Variants in UQCRC2 observed in about 807,000 individuals in gnomAD.
UQCRC2 encodes cytochrome b-c1 complex subunit 2, mitochondrial.
Under a neutral mutation model 55.6 loss-of-function variants are expected in UQCRC2, and 49 were observed. The ratio of observed to expected loss-of-function variants is 0.88; its 90% CI spans 0.70 to 1.12. UQCRC2 has a LOEUF of 1.12. UQCRC2 is among the 50% of genes most tolerant of loss of function. The pLI is 0.00. For missense variants in UQCRC2, 506 were observed against 547.8 expected, an observed-to-expected ratio of 0.92 and a Z score of 0.76; for synonymous variants, 193 against 192.0, an observed-to-expected ratio of 1.01 and a Z score of -0.04.
At position 21,983,429 on chromosome 16, in the gene UQCRC2, G is replaced by A; in HGVS notation, c.*258G>A. 1 of 449,656 alleles carries A rather than the reference G, an allele frequency of 2.2e-6. No homozygotes were observed. Among genetic ancestry groups the A allele is most frequent in the South Asian group, 5.7e-5 (1 of 17,508 alleles). 27.9% of individuals were successfully genotyped at this position (449,656 alleles called of 1,614,324 possible). ...ATATCTTTGTTTTAGATGCTTTAAA[G>A]GAGACAGGAATATAATTATTGAGTA... is the stretch of plus-strand genomic sequence containing the variant. On this transcript the variant is annotated 3_prime_UTR_variant, in exon 14 of 14. Coordinates refer to ENST00000268379, the MANE Select transcript of UQCRC2 (RefSeq NM_003366.4).
In UQCRC2 at chr16:21,973,879, GTC is replaced by G. The variant is rs761567331; in HGVS notation, c.967-14_967-13del. ...ACTTGGTAGAATATCATACAGTAAA[GTC>G]TCATTATCTTTCAGGTTTCTGCATT... On this transcript the variant is annotated splice_polypyrimidine_tract_variant and intron_variant, in intron 10 of 13. Transcript: ENST00000268379. 3.2e-5 allele frequency: 51 copies of G among 1,610,340 alleles called. No homozygotes were observed. The East Asian group carries it at 1.0e-3, about 32-fold the overall frequency.
Position 21,957,188 on chromosome 16 carries a change from C to A in UQCRC2, c.34-47C>A, listed in dbSNP as rs1898099456. ...TAAGATACCATGCTTTTATATAAAG[C>A]ACTGTTCTTGTGAGAAATACGTGTA... On this transcript the variant is annotated intron_variant, in intron 1 of 13. Transcript: ENST00000268379. 1.9e-6 allele frequency: 3 copies of A among 1,585,008 alleles called. No individual in the cohort carries two copies. The East Asian group carries it at 6.8e-5, about 36-fold the overall frequency.
At position 21,962,878 on chromosome 16, in the gene UQCRC2, G is replaced by T. The variant is rs765632490; in HGVS notation, c.507G>T (p.Pro169=). The T allele has an allele frequency of 1.2e-6, 2 of 1,613,608 alleles. No individual in the cohort carries two copies. The highest frequency in any genetic ancestry group is 1.3e-5 in the African/African-American group (1 of 74,858). ...KIDKAVAFQN[P]QTHVIENLHA... ...ACAAAGCTGTGGCCTTTCAGAATCCGCAGACTCGTAAGTACATTTCCAGAT... is the reference window on the plus strand; with the variant it reads ...ACAAAGCTGTGGCCTTTCAGAATCCTCAGACTCGTAAGTACATTTCCAGAT... The change falls in exon 6 of 14, where the codon CCG becomes CCT. Residue 169 remains proline, a synonymous_variant. Coordinates refer to ENST00000268379, the MANE Select transcript of UQCRC2 (RefSeq NM_003366.4).
chr16:21,980,248 G>T, intron 12 of UQCRC2: 1 of 289,156 alleles, frequency 3.5e-6, no homozygotes. Context: ...GCATTAGGGA[G>T]CTCTCCAGCT....
intron 8 of UQCRC2, 147 bp downstream of exon 8, chr16:21,968,832 T>C (rs1898390258): frequency 3.6e-6 from 2 of 549,510 alleles, no homozygotes; most frequent in South Asian, 5.5e-5. Flanking sequence ...AGGATTTTAA[T>C]TGCTAGTCAT....
chr16:21,959,396 T>C (rs1384400218), intron 4 of UQCRC2: 5 of 272,846 alleles, frequency 1.8e-5, no homozygotes, highest in Non-Finnish European at 3.7e-5. Flanking sequence ...CTTTGTTTGC[T>C]CATCCATAAG....
At position 21,981,819 on chromosome 16, in the gene UQCRC2, G is replaced by A. The variant is rs528021843; in HGVS notation, c.1278+1119G>A. 1.5e-4 allele frequency among the ~76,000 whole-genome samples: 22 copies of A among 151,076 alleles called. 1 individual carries two copies. The highest frequency in any genetic ancestry group is 5.1e-4 in the African/African-American group (21 of 41,206). ...AGTAACCCTGACTTGATTTCACTTC[G>A]CCCCAATCGTCATTTCATACTCTTC... On this transcript the variant is annotated intron_variant, in intron 13 of 13. Coordinates refer to ENST00000268379, the MANE Select transcript of UQCRC2 (RefSeq NM_003366.4).
intron 13 of UQCRC2, among the ~76,000 whole-genome samples, chr16:21,980,992 T>C (rs1022003226): frequency 6.6e-6 from 1 of 152,184 alleles, no homozygotes; most frequent in African/African-American, 2.4e-5. Flanking sequence ...TTAATACACC[T>C]AACGTATCAA....
chr16:21,958,492 G>A, intron 3 of UQCRC2, 43 bp from the exon 4 acceptor site: 1 of 1,573,708 alleles, frequency 6.4e-7, no homozygotes, highest in East Asian at 2.2e-5. Flanking sequence ...TGGCAAACTT[G>A]GCATTGAAAA....
At chr16:21,959,030 G>C (rs528148372) in intron 4 of UQCRC2, among the ~76,000 whole-genome samples, 1 of 152,316 alleles carries the variant, frequency 6.6e-6, no homozygotes, top group African/African-American at 2.4e-5. Context: ...AATGTTAACA[G>C]TTATCTGAAT....
intron 7 of UQCRC2, among the ~76,000 whole-genome samples, chr16:21,967,101 AT>A (rs1219734235): frequency 6.6e-6 from 1 of 152,180 alleles, no homozygotes; most frequent in Non-Finnish European, 1.5e-5. Flanking sequence ...AGTTAATAGT[AT>A]TTTTTAAATG....
intron 12 of UQCRC2, 83 bp downstream of exon 12, chr16:21,976,326 A>G: frequency 1.7e-6 from 2 of 1,206,558 alleles, no homozygotes; most frequent in Admixed American, 1.8e-5. Flanking sequence ...ATTACAATCT[A>G]TGCTCATAAG....
chr16:21,968,516 C>T lies in UQCRC2; in HGVS notation c.613-112C>T, dbSNP rs140569579. ...GTTAGTACCTTGTAGTTCATTACAG[C>T]AACTTATAAGGCCTTATAAGTATTT... On this transcript the variant is annotated intron_variant, in intron 7 of 13. Coordinates refer to ENST00000268379, the MANE Select transcript of UQCRC2 (RefSeq NM_003366.4). 1.2e-3 allele frequency: 1,066 copies of T among 858,076 alleles called. 12 individuals carry two copies. In the African/African-American group the frequency reaches 0.016, roughly 13 times the overall value. 53.2% of individuals were successfully genotyped at this position (858,076 alleles called of 1,614,324 possible).
At chr16:21,976,573 C>T (rs184922600) in intron 12 of UQCRC2, 1 of 223,890 alleles carries the variant, frequency 4.5e-6, no homozygotes, top group Non-Finnish European at 8.9e-6. Context: ...GTTTATTGAT[C>T]ATGCATTTTT....
chr16:21,980,366 C>A, intron 12 of UQCRC2, 181 bp from the exon 13 acceptor site: 1 of 662,590 alleles, frequency 1.5e-6, no homozygotes, highest in Non-Finnish European at 2.5e-6. Flanking sequence ...TTCAGACTTA[C>A]TGTTTTAGTA....
Position 21,971,906 on chromosome 16 carries a change from C to A in UQCRC2, c.767-17C>A. On this transcript the variant is annotated splice_polypyrimidine_tract_variant and intron_variant, in intron 9 of 13. Coordinates refer to ENST00000268379, the MANE Select transcript of UQCRC2 (RefSeq NM_003366.4). The stretch of plus-strand genomic sequence containing the variant: ...CAAGCCATTTTCTTCTTCCCTCTAT[C>A]CTTAATCTGGCCCCAGGTGAAATCC... 3 of 1,613,222 alleles carry A rather than the reference C, an allele frequency of 1.9e-6. No individual in the cohort carries two copies. The East Asian group carries it at 6.7e-5, about 36-fold the overall frequency.
intron 12 of UQCRC2, among the ~76,000 whole-genome samples, chr16:21,978,171 G>A (rs1235729692): frequency 6.6e-6 from 1 of 152,198 alleles, no homozygotes; most frequent in Non-Finnish European, 1.5e-5. Context: ...TTTCTTGTAA[G>A]TTCTTCCTGT....
Position 21,980,699 on chromosome 16 carries a change from A to G in UQCRC2, c.1277A>G (p.Asn426Ser). Residue 426 changes from asparagine (N) to serine (S), a missense_variant and splice_region_variant, in exon 13 of 14, where the codon AAT (asparagine) becomes AGT (serine). Transcript: ENST00000268379. The part of the protein sequence containing the change: ...IDSVANADII[N>S]AAKKFVSGQK... ...TCAGTGGCTAATGCTGATATCATAAATGTAAGTAAATGAAAACTTAACGAT... is the reference window on the plus strand; with the variant it reads ...TCAGTGGCTAATGCTGATATCATAAGTGTAAGTAAATGAAAACTTAACGAT... The G allele has an allele frequency of 6.2e-7, 1 of 1,611,166 alleles. No homozygotes were observed. The highest frequency in any genetic ancestry group is 8.5e-7 in the Non-Finnish European group (1 of 1,179,172).
At chr16:21,972,215 A>AAC in intron 10 of UQCRC2, 93 bp downstream of exon 10, 1 of 1,444,028 alleles carries the variant, frequency 6.9e-7, no homozygotes, top group Non-Finnish European at 9.4e-7. Flanking sequence ...ATGTAAGACA[A>AAC]ACACACAGAA....
Sources: allele counts gnomAD v4.1 joint callset (sites outside exome capture counted in the v4.1 genomes callset), GRCh38; gene constraint gnomAD v4.1.1; transcripts MANE v1.5; gene names NCBI Gene and HGNC (gene_info 2026-07-23, HGNC 2026-07-21).